Variants in MYPN observed in about 807,000 individuals in gnomAD.
The protein encoded by MYPN is sarcomeric protein myopalladin, 145 kDa (MYOP).
MYPN carries 63 observed loss-of-function variants against 129.4 expected under a neutral mutation model. That is an observed-to-expected ratio of 0.49 (90% CI 0.40 to 0.60). The LOEUF (loss-of-function observed/expected upper bound fraction) is 0.60, where lower values mean the gene tolerates loss of function less well. Among genes scored for constraint, MYPN ranks in the 20% least tolerant of loss-of-function variants. The pLI, the probability that MYPN is intolerant of heterozygous loss-of-function variation, is 0.00. For missense variants in MYPN, 1,596 were observed against 1,635.4 expected (o/e 0.98, Z 0.42); for synonymous variants, 629 against 600.9 (o/e 1.05, Z -0.68).
chr10:68,130,329 G>A (rs1026577463), intron 2 of MYPN, among the ~76,000 whole-genome samples: 5 of 151,812 alleles, frequency 3.3e-5, no homozygotes, highest in South Asian at 4.2e-4. Flanking sequence ...GCGTGGTGGC[G>A]GGCACCTGTA....
chr10:68,112,554 T>C (rs2042096786), intron 1 of MYPN, among the ~76,000 whole-genome samples: 1 of 152,222 alleles, frequency 6.6e-6, no homozygotes, highest in African/African-American at 2.4e-5. Flanking sequence ...CCTAAACGGA[T>C]TCTCATTAAT....
rs773188742 is a variant in MYPN at position 68,174,365 on chromosome 10, T to C, written c.2273T>C (p.Val758Ala). ...ACTCCTCAAACTATTCAGAGGACAG[T>C]GAGCAAAGAAAGCCTCTTAGTGTCT... ...SSTPQTIQRT[V>A]SKESLLVSHP... Residue 758 changes from valine (V) to alanine (A), a missense_variant, in exon 11 of 20, where the codon GTG becomes GCG. Coordinates refer to ENST00000358913, the MANE Select transcript of MYPN (RefSeq NM_032578.4). 7 of 1,614,004 alleles carry C rather than the reference T, an allele frequency of 4.3e-6. No individual in the cohort carries two copies. Among genetic ancestry groups the C allele is most frequent in the African/African-American group, 1.3e-5 (1 of 74,898 alleles).
chr10:68,113,428 G>A (rs1273947487), intron 1 of MYPN, among the ~76,000 whole-genome samples: 1 of 152,184 alleles, frequency 6.6e-6, no homozygotes, highest in African/African-American at 2.4e-5. Flanking sequence ...AGGTGCGGTG[G>A]CTCATGCCTG....
rs192261336 is a variant in MYPN at position 68,091,185 on chromosome 10, A to G, written c.-2+3193A>G. Among the ~76,000 whole-genome samples, 562 of 152,236 alleles carry G rather than the reference A, an allele frequency of 3.7e-3. 1 individual carries two copies. Among genetic ancestry groups the G allele is most frequent in the Non-Finnish European group, 6.3e-3 (427 of 68,012 alleles). ...TGGACTGGAGAAAGGCAGGTAATTG[A>G]TTATGGCATCTTGTGAGCATTGGCC... On this transcript the variant is annotated intron_variant, in intron 1 of 6. Coordinates refer to the MYPN transcript ENST00000685154.
chr10:68,089,818 T>G (rs1421373606), intron 1 of MYPN, among the ~76,000 whole-genome samples: 1 of 152,196 alleles, frequency 6.6e-6, no homozygotes, highest in Non-Finnish European at 1.5e-5. Context: ...CCAGTTATAG[T>G]GGTACTTCAG....
At chr10:68,120,361 A>G (rs1403973909) in intron 1 of MYPN, among the ~76,000 whole-genome samples, 1 of 152,206 alleles carries the variant, frequency 6.6e-6, no homozygotes, top group Non-Finnish European at 1.5e-5. Context: ...TTGAATAGGT[A>G]ATATCATATA....
chr10:68,184,126 T>TG (rs1351109676), intron 12 of MYPN, among the ~76,000 whole-genome samples: 7 of 152,230 alleles, frequency 4.6e-5, no homozygotes, highest in Non-Finnish European at 2.9e-5. Flanking sequence ...CTGGTATTCT[T>TG]GTTTCTCTTC....
rs1163408379 is a variant in MYPN at position 68,175,311 on chromosome 10, T to C, written c.2565-12T>C. The C allele has an allele frequency of 6.2e-7, 1 of 1,613,840 alleles. No individual in the cohort carries two copies. The highest frequency in any genetic ancestry group is 8.5e-7 in the Non-Finnish European group (1 of 1,179,930). On this transcript the variant is annotated splice_polypyrimidine_tract_variant and intron_variant, in intron 11 of 19. Transcript: ENST00000358913. ...TTTTCATGGGTGTGTCAGGTGTGGA[T>C]TTATCTTACAGGCCATCCCAGGGAT...
chr10:68,156,062 G>A (rs904345634), intron 6 of MYPN, among the ~76,000 whole-genome samples: 1 of 152,116 alleles, frequency 6.6e-6, no homozygotes, highest in Admixed American at 6.5e-5. Context: ...CTGCAGATTG[G>A]GAACTGGCTC....
chr10:68,172,414 G>A (rs990447194), intron 10 of MYPN, among the ~76,000 whole-genome samples: 6 of 152,184 alleles, frequency 3.9e-5, no homozygotes, highest in Non-Finnish European at 5.9e-5. Flanking sequence ...CTGAAGCACT[G>A]TGATCTCACT....
At chr10:68,158,758 C>T (rs957723565) in intron 7 of MYPN, 131 bp downstream of exon 7, 2 of 676,366 alleles carry the variant, frequency 3.0e-6, no homozygotes, top group Non-Finnish European at 4.9e-6. Flanking sequence ...TGTAATCATA[C>T]TCCTGTTAAT....
chr10:68,134,037 A>C (rs544219078), intron 2 of MYPN, among the ~76,000 whole-genome samples: 2 of 152,312 alleles, frequency 1.3e-5, no homozygotes, highest in South Asian at 2.1e-4. Context: ...TAAAAGAAAG[A>C]GTTAACATAG....
At chr10:68,113,717 T>C (rs1207711629) in intron 1 of MYPN, among the ~76,000 whole-genome samples, 4 of 151,390 alleles carry the variant, frequency 2.6e-5, no homozygotes, top group Non-Finnish European at 5.9e-5. Flanking sequence ...AAAAGACACA[T>C]TTAAAAAAAT....
intron 2 of MYPN, among the ~76,000 whole-genome samples, chr10:68,139,154 G>A (rs200833995): frequency 1.1e-4 from 17 of 152,080 alleles, no homozygotes; most frequent in South Asian, 4.1e-4. Flanking sequence ...ATTCACTAAC[G>A]GCTCAGAAGA....
At chr10:68,132,295 G>T (rs752997270) in intron 2 of MYPN, among the ~76,000 whole-genome samples, 5 of 152,036 alleles carry the variant, frequency 3.3e-5, no homozygotes, top group Non-Finnish European at 7.4e-5. Context: ...AAAGAATATT[G>T]ATTTTATAAT....
intron 1 of MYPN, among the ~76,000 whole-genome samples, chr10:68,089,339 T>A (rs953984888): frequency 4.6e-5 from 7 of 151,894 alleles, no homozygotes; most frequent in African/African-American, 1.7e-4. Flanking sequence ...GCCTGTTTTT[T>A]GTTTATTTGT....
chr10:68,105,758 A>G (rs557557293), upstream of MYPN, among the ~76,000 whole-genome samples: 9 of 152,276 alleles, frequency 5.9e-5, no homozygotes, highest in East Asian at 1.5e-3. Context: ...TGCCTTGACC[A>G]TAGTCCCAGT....
intron 4 of MYPN, among the ~76,000 whole-genome samples, chr10:68,145,980 C>T (rs1422943500): frequency 1.3e-5 from 2 of 152,128 alleles, no homozygotes; most frequent in Non-Finnish European, 2.9e-5. Flanking sequence ...CTGCTTCTGC[C>T]TTTTTCTCTC....
chr10:68,171,799 A>T (rs1400588495), intron 10 of MYPN, among the ~76,000 whole-genome samples: 2 of 152,186 alleles, frequency 1.3e-5, no homozygotes, highest in African/African-American at 4.8e-5. Context: ...CCTGATTTTT[A>T]GCATTTGCAC....
Sources: allele counts gnomAD v4.1 joint callset (sites outside exome capture counted in the v4.1 genomes callset), GRCh38; gene constraint gnomAD v4.1.1; transcripts MANE v1.5; gene names NCBI Gene and HGNC (gene_info 2026-07-23, HGNC 2026-07-21).